THAP12: variants seen among roughly 807,000 people sequenced by gnomAD.
THAP12 encodes 52 kDa repressor of the inhibitor of the protein kinase.
A neutral mutation model predicts 63.0 loss-of-function variants in THAP12; 20 were observed. The ratio of observed to expected loss-of-function variants is 0.32; its 90% CI spans 0.22 to 0.46. The LOEUF is 0.46. Among genes scored for constraint, THAP12 ranks in the 20% least tolerant of loss-of-function variants. The probability of loss-of-function intolerance (pLI) is 1.00; values close to 1 mark genes in which losing one functional copy is unlikely to be tolerated. For missense variants in THAP12, 568 were observed against 908.2 expected, an observed-to-expected ratio of 0.63 and a Z score of 4.81; for synonymous variants, 264 against 328.4, an observed-to-expected ratio of 0.80 and a Z score of 2.12.
At chr11:76,372,644 G>C (rs1946682661) in intron 1 of THAP12, among the ~76,000 whole-genome samples, 1 of 150,950 alleles carries the variant, frequency 6.6e-6, no homozygotes, top group South Asian at 2.1e-4. Flanking sequence ...CCAGCACTTT[G>C]AGAGGCCAAG....
In THAP12 at chr11:76,365,798, T is replaced by TGA. The variant is rs145091084; in HGVS notation, c.210+52_210+53dup. ...TACTTACATTTCCAACCAGACACAG[T>TGA]GAGAGAGAGAAATCAAGTCAAACAG... On this transcript the variant is annotated intron_variant, in intron 2 of 4. Coordinates refer to ENST00000260045, the MANE Select transcript of THAP12 (RefSeq NM_004705.4). 6,003 of 1,571,244 alleles carry TGA rather than the reference T, an allele frequency of 3.8e-3. 213 individuals are homozygous for TGA. In the African/African-American group the frequency reaches 0.072, roughly 19 times the overall value.
At chr11:76,361,319 A>G (rs558482488) in intron 2 of THAP12, 8 of 362,104 alleles carry the variant, frequency 2.2e-5, no homozygotes, top group Non-Finnish European at 3.0e-5. Flanking sequence ...TGCATTTTGC[A>G]TATCTGTTTC....
chr11:76,361,611 A>C (rs1442961772), intron 2 of THAP12, among the ~76,000 whole-genome samples: 1 of 152,130 alleles, frequency 6.6e-6, no homozygotes, highest in East Asian at 1.9e-4. Context: ...TTTGGGCCCC[A>C]GTTTCTTTTT....
chr11:76,380,383 T>C (rs1027168978), intron 1 of THAP12, among the ~76,000 whole-genome samples: 2 of 152,160 alleles, frequency 1.3e-5, no homozygotes, highest in African/African-American at 4.8e-5. Context: ...CTGCTCTCTT[T>C]TGACAGCTAA....
At position 76,358,237 on chromosome 11, in the gene THAP12, T is replaced by C. The variant is rs576295797; in HGVS notation, c.319-2583A>G. ...TACCCAACTTATTTTATGAGGCCAA[T>C]AGAACCTTGATATTATAACTGGGTA... On this transcript the variant is annotated intron_variant, in intron 3 of 4. Transcript: ENST00000260045. The C allele has an allele frequency of 4.7e-5, 7 of 149,620 alleles. No homozygotes were observed. The East Asian group carries it at 7.8e-4, about 17-fold the overall frequency. 9.3% of individuals were successfully genotyped at this position (149,620 alleles called of 1,614,324 possible).
chr11:76,368,069 G>A (rs530707682), intron 1 of THAP12, among the ~76,000 whole-genome samples: 1 of 152,204 alleles, frequency 6.6e-6, no homozygotes, highest in South Asian at 2.1e-4. Context: ...TGCTACAGTT[G>A]TTTGTTTTTT....
intron 2 of THAP12, among the ~76,000 whole-genome samples, chr11:76,363,458 C>T (rs1946611216): frequency 6.6e-6 from 1 of 152,136 alleles, no homozygotes; most frequent in Non-Finnish European, 1.5e-5. Context: ...ATCCTTCAGC[C>T]TTGGACTCCT....
At chr11:76,364,164 G>A (rs1946616498) in intron 2 of THAP12, among the ~76,000 whole-genome samples, 1 of 152,160 alleles carries the variant, frequency 6.6e-6, no homozygotes, top group Admixed American at 6.5e-5. Context: ...TATGGCAAAT[G>A]TATTTAAAAT....
Position 76,380,813 on chromosome 11 carries a change from G to A in THAP12, c.24C>T (p.Pro8=), listed in dbSNP as rs989894015. The A allele has an allele frequency of 6.9e-7, 1 of 1,454,074 alleles. No individual in the cohort carries two copies. The highest frequency in any genetic ancestry group is 1.5e-5 in the African/African-American group (1 of 67,730). The allele number at this position is 1,454,074 out of a possible 1,614,324, so 90.1% of individuals were successfully genotyped here. The change falls in exon 1 of 5, where the codon CCC becomes CCT. Residue 8 remains proline (P), a synonymous_variant. Transcript: ENST00000260045. ...ACTGCGTGCTCTTCCGCGTGCAGTT[G>A]GGGGCAGCGCAGAAGTTCGGCATCG... is the stretch of plus-strand genomic sequence containing the variant. MPNFCAA[P]NCTRKSTQSD...
At chr11:76,373,237 T>C in intron 1 of THAP12, among the ~76,000 whole-genome samples, 1 of 150,566 alleles carries the variant, frequency 6.6e-6, no homozygotes, top group East Asian at 2.0e-4. Flanking sequence ...TCCCAGCTAC[T>C]TGGGAGGATA....
chr11:76,376,462 A>C (rs1185195408), intron 1 of THAP12, among the ~76,000 whole-genome samples: 3 of 152,216 alleles, frequency 2.0e-5, no homozygotes, highest in African/African-American at 7.2e-5. Flanking sequence ...AACAACAGCC[A>C]AAGCGTCCAG....
chr11:76,353,208 A>G (rs886743561), intron 4 of THAP12, among the ~76,000 whole-genome samples: 1 of 152,212 alleles, frequency 6.6e-6, no homozygotes, highest in African/African-American at 2.4e-5. Flanking sequence ...ACACTTAACA[A>G]GACTTTCCAC....
chr11:76,363,825 C>G (rs1590803073), intron 2 of THAP12, among the ~76,000 whole-genome samples: 1 of 152,232 alleles, frequency 6.6e-6, no homozygotes, highest in Admixed American at 6.5e-5. Context: ...AGGCTGGTCT[C>G]AAACTCCTGA....
chr11:76,375,735 T>C (rs1367457814), intron 1 of THAP12, among the ~76,000 whole-genome samples: 1 of 39,386 alleles, frequency 2.5e-5, no homozygotes, highest in Admixed American at 4.7e-4. Flanking sequence ...AACCTGTTTA[T>C]AGAAGAAAAG....
chr11:76,377,226 T>C (rs1417859230), intron 1 of THAP12, among the ~76,000 whole-genome samples: 1 of 152,220 alleles, frequency 6.6e-6, no homozygotes, highest in Non-Finnish European at 1.5e-5. Flanking sequence ...TATTCTCTCT[T>C]CAAGACATCT....
At chr11:76,380,249 C>G in intron 1 of THAP12, among the ~76,000 whole-genome samples, 1 of 152,070 alleles carries the variant, frequency 6.6e-6, no homozygotes. Flanking sequence ...CGTGCAATGA[C>G]AAGTCCGAAG....
chr11:76,378,557 G>T (rs1946727021), intron 1 of THAP12, among the ~76,000 whole-genome samples: 1 of 151,712 alleles, frequency 6.6e-6, no homozygotes, highest in East Asian at 1.9e-4. Context: ...TAGGCCATTT[G>T]GAGTTCATTT....
At chr11:76,375,912 G>C (rs952027041) in intron 1 of THAP12, among the ~76,000 whole-genome samples, 5 of 152,146 alleles carry the variant, frequency 3.3e-5, no homozygotes, top group African/African-American at 1.2e-4. Flanking sequence ...GTTTGATTTG[G>C]ATAAAAAGAC....
chr11:76,355,619 TTTTTTC>T lies in THAP12; in HGVS notation c.348_353del (p.Lys117_Lys118del). On this transcript the variant is annotated inframe_deletion and splice_region_variant, in exon 4 of 5. Coordinates refer to ENST00000260045, the MANE Select transcript of THAP12 (RefSeq NM_004705.4). Reference sequence around the variant, plus strand: ...TGAGTCATTAACACTATCACTTACTTTTTTTCTGTTTCAGTGTCCTGATTTCATCTT... The same window carrying T: ...TGAGTCATTAACACTATCACTTACTTTGTTTCAGTGTCCTGATTTCATCTT... 6.3e-7 allele frequency: 1 copy of T among 1,597,610 alleles called. No homozygotes were observed. Among genetic ancestry groups the T allele is most frequent in the Non-Finnish European group, 8.5e-7 (1 of 1,173,410 alleles).
Sources: allele counts gnomAD v4.1 joint callset (sites outside exome capture counted in the v4.1 genomes callset), GRCh38; gene constraint gnomAD v4.1.1; transcripts MANE v1.5; gene names NCBI Gene and HGNC (gene_info 2026-07-23, HGNC 2026-07-21).